PPP2R2B: variants seen among roughly 807,000 people sequenced by gnomAD.
PPP2R2B encodes serine/threonine-protein phosphatase 2A 55 kDa regulatory subunit B beta isoform.
A neutral mutation model predicts 46.0 loss-of-function variants in PPP2R2B; 5 were observed. That is an observed-to-expected ratio of 0.11 (90% CI 0.06 to 0.23). The LOEUF (loss-of-function observed/expected upper bound fraction) is 0.23. Ranked by LOEUF, PPP2R2B falls within the 10% of genes least tolerant of loss-of-function variation. The pLI is 1.00. For synonymous variants in PPP2R2B, 215 were observed against 206.7 expected (o/e 1.04, Z -0.34); for missense variants, 367 against 575.0 (o/e 0.64, Z 3.70).
intron 2 of PPP2R2B, among the ~76,000 whole-genome samples, chr5:146,864,907 G>A (rs1034587290): frequency 6.6e-6 from 1 of 152,142 alleles, no homozygotes; most frequent in African/African-American, 2.4e-5. Flanking sequence ...AGTGGAAAAC[G>A]CCTACAGTAA....
At chr5:146,690,349 T>C (rs1468604455) in intron 5 of PPP2R2B, among the ~76,000 whole-genome samples, 1 of 152,244 alleles carries the variant, frequency 6.6e-6, no homozygotes, top group African/African-American at 2.4e-5. Context: ...CACTTTCCTA[T>C]GAGAACTTTT....
intron 5 of PPP2R2B, among the ~76,000 whole-genome samples, chr5:146,658,402 C>T (rs1776475846): frequency 6.6e-6 from 1 of 152,164 alleles, no homozygotes; most frequent in Non-Finnish European, 1.5e-5. Flanking sequence ...TTAGTAACAA[C>T]TGGGACCCAG....
intron 2 of PPP2R2B, among the ~76,000 whole-genome samples, chr5:146,722,918 A>G (rs781522038): frequency 7.2e-5 from 11 of 152,242 alleles, no homozygotes; most frequent in Non-Finnish European, 1.6e-4. Context: ...CTACCTAAAC[A>G]TGAACAGGTC....
chr5:146,653,535 C>A lies in PPP2R2B; in HGVS notation c.448-2811G>T, dbSNP rs138370809. On this transcript the variant is annotated intron_variant, in intron 5 of 9. Coordinates refer to ENST00000394411, the MANE Select transcript of PPP2R2B (RefSeq NM_181675.4). ...AGAGGTACCAGAGCTCAAAGCAGGA[C>A]CCCAAGGGTCACAAAAGAAATGGAA... Among the ~76,000 whole-genome samples, 595 of 152,274 alleles carry A rather than the reference C, an allele frequency of 3.9e-3. 4 individuals carry two copies. Among genetic ancestry groups the A allele is most frequent in the African/African-American group, 0.014 (568 of 41,556 alleles).
chr5:146,712,123 C>T (rs1212099900), intron 2 of PPP2R2B, among the ~76,000 whole-genome samples: 10 of 152,094 alleles, frequency 6.6e-5, no homozygotes, highest in Non-Finnish European at 1.0e-4. Context: ...AAATATGTTG[C>T]TAATAGTTCA....
At chr5:147,011,101 C>A (rs559245283) in intron 1 of PPP2R2B, among the ~76,000 whole-genome samples, 57 of 152,284 alleles carry the variant, frequency 3.7e-4, no homozygotes, top group African/African-American at 1.2e-3. Context: ...TTCTTCAGCC[C>A]ACTCCAACCA....
At chr5:146,868,761 C>A (rs537614802) in intron 2 of PPP2R2B, among the ~76,000 whole-genome samples, 5 of 152,258 alleles carry the variant, frequency 3.3e-5, no homozygotes, top group African/African-American at 1.2e-4. Flanking sequence ...AAAAATGAAT[C>A]ATCTTTTCCC....
At chr5:146,970,932 G>C (rs1290075015) in intron 1 of PPP2R2B, among the ~76,000 whole-genome samples, 3 of 152,034 alleles carry the variant, frequency 2.0e-5, no homozygotes, top group Non-Finnish European at 2.9e-5. Flanking sequence ...AGAAATAATT[G>C]TGGTAACTAT....
At chr5:146,650,496 T>A in intron 6 of PPP2R2B, 51 bp downstream of exon 6, 3 of 1,551,434 alleles carry the variant, frequency 1.9e-6, no homozygotes, top group Non-Finnish European at 2.6e-6. Flanking sequence ...CACTCGCACC[T>A]GAATACTCTT....
Position 146,645,761 on chromosome 5 carries a change from C to T in PPP2R2B, c.625+4786G>A, listed in dbSNP as rs1180172779. On this transcript the variant is annotated intron_variant, in intron 6 of 9. Coordinates refer to ENST00000394411, the MANE Select transcript of PPP2R2B (RefSeq NM_181675.4). ...TCCCTAGAGTCCAGCTGGCTTCTCC[C>T]AGATAAGTCCTCTATCTCATATTCA... Among the ~76,000 whole-genome samples the T allele has an allele frequency of 2.0e-5, 3 of 152,306 alleles. No homozygotes were observed. In the East Asian group the frequency reaches 5.8e-4, roughly 29 times the overall value.
At chr5:146,945,576 C>CTATA (rs1216358231) in intron 1 of PPP2R2B, among the ~76,000 whole-genome samples, 2 of 152,132 alleles carry the variant, frequency 1.3e-5, no homozygotes, top group Admixed American at 6.6e-5. Flanking sequence ...AGTTGTGCTG[C>CTATA]TATAGCAGCT....
At chr5:147,070,967 C>A (rs574645331) in intron 2 of PPP2R2B, among the ~76,000 whole-genome samples, 1 of 151,754 alleles carries the variant, frequency 6.6e-6, no homozygotes, top group South Asian at 2.1e-4. Flanking sequence ...TCCAGCCTGG[C>A]GACAGAGCGA....
intron 2 of PPP2R2B, among the ~76,000 whole-genome samples, chr5:146,796,860 A>T (rs964602350): frequency 7.2e-5 from 11 of 152,172 alleles, no homozygotes; most frequent in African/African-American, 2.7e-4. Context: ...GATTATTGCT[A>T]CTAATTAAGG....
At chr5:146,676,376 G>T (rs1028682873) in intron 5 of PPP2R2B, among the ~76,000 whole-genome samples, 1 of 151,996 alleles carries the variant, frequency 6.6e-6, no homozygotes, top group African/African-American at 2.4e-5. Flanking sequence ...CTCACCACCT[G>T]CATCTTACTG....
At chr5:146,775,545 T>C (rs178594) in intron 2 of PPP2R2B, among the ~76,000 whole-genome samples, 131,395 of 152,080 alleles carry the variant, frequency 0.86, 56,832 homozygotes, top group East Asian at 0.92. Context: ...GACAAAGATG[T>C]CTGCTTTTAT....
At chr5:146,758,777 G>C (rs1753985766) in intron 2 of PPP2R2B, among the ~76,000 whole-genome samples, 1 of 152,162 alleles carries the variant, frequency 6.6e-6, no homozygotes, top group Non-Finnish European at 1.5e-5. Flanking sequence ...TCTTCTGTAG[G>C]TCATAGGAAT....
At chr5:146,689,703 A>G (rs1778723441) in intron 5 of PPP2R2B, among the ~76,000 whole-genome samples, 3 of 152,168 alleles carry the variant, frequency 2.0e-5, no homozygotes, top group Admixed American at 1.3e-4. Flanking sequence ...CTCAACAATA[A>G]TACTCTTCAC....
At chr5:146,761,628 T>C (rs931144708) in intron 2 of PPP2R2B, among the ~76,000 whole-genome samples, 1 of 151,128 alleles carries the variant, frequency 6.6e-6, no homozygotes, top group African/African-American at 2.4e-5. Context: ...AATAATAAAA[T>C]TTAAAAAAAA....
intron 2 of PPP2R2B, among the ~76,000 whole-genome samples, chr5:147,062,760 G>A (rs1451759919): frequency 1.3e-5 from 2 of 151,752 alleles, no homozygotes; most frequent in African/African-American, 2.4e-5. Flanking sequence ...ATTAGGGCTG[G>A]GCAAATTTAC....
Sources: gnomAD v4.1 joint callset for allele counts (sites outside exome capture counted in the v4.1 genomes callset) on GRCh38, gnomAD v4.1.1 for gene constraint, MANE v1.5 for transcripts, NCBI Gene and HGNC (gene_info 2026-07-23, HGNC 2026-07-21) for gene names.